The following RAP1B variants were observed in gnomAD, a reference collection of about 807,000 sequenced individuals.
RAP1B encodes the protein RAP1B, member of RAS oncogene family.
A neutral mutation model predicts 27.5 loss-of-function variants in RAP1B; 1 was observed. The ratio of observed to expected loss-of-function variants is 0.04; its 90% CI spans 0.01 to 0.17. RAP1B has a LOEUF of 0.17. Among genes scored for constraint, RAP1B ranks in the 10% least tolerant of loss-of-function variants. The pLI is 1.00. For missense variants in RAP1B, 84 were observed against 214.8 expected (o/e 0.39, Z 3.81); for synonymous variants, 75 against 73.1 (o/e 1.03, Z -0.13).
At chr12:68,629,995 A>G (rs1416730490) in intron 1 of RAP1B, among the ~76,000 whole-genome samples, 1 of 152,252 alleles carries the variant, frequency 6.6e-6, no homozygotes, top group East Asian at 1.9e-4. Flanking sequence ...AATCATTAAT[A>G]CAACCCTGTC....
At chr12:68,654,005 A>G (rs1592466895) in intron 4 of RAP1B, 107 bp from the exon 5 acceptor site, 3 of 921,384 alleles carry the variant, frequency 3.3e-6, no homozygotes, top group Non-Finnish European at 4.9e-6. Flanking sequence ...ACAAAGTTAC[A>G]TAATACTACA....
chr12:68,630,360 G>A (rs1042768871), intron 1 of RAP1B, among the ~76,000 whole-genome samples: 1 of 152,094 alleles, frequency 6.6e-6, no homozygotes, highest in Admixed American at 6.6e-5. Flanking sequence ...AATGAACTAT[G>A]TTCCATTAAA....
In RAP1B at chr12:68,661,371, A is replaced by G. The variant is rs184215356; in HGVS notation, c.*2122A>G. 2 of 152,290 alleles carry G rather than the reference A, an allele frequency of 1.3e-5. No homozygotes were observed. The highest frequency in any genetic ancestry group is 1.3e-4 in the Admixed American group (2 of 15,292). The allele number at this position is 152,290 out of a possible 1,614,324, so 9.4% of individuals were successfully genotyped here. A position where few individuals can be genotyped will look rare whatever the true frequency, so the allele number is the denominator to read the frequency against. On this transcript the variant is annotated 3_prime_UTR_variant, in exon 8 of 8. Coordinates refer to ENST00000250559, the MANE Select transcript of RAP1B (RefSeq NM_001010942.3). ...TTTTAATAAATGTTTGCTGCCTACCAGCTATGTACCAGGCCCAGTTCTAGG... is the reference window on the plus strand; with the variant it reads ...TTTTAATAAATGTTTGCTGCCTACCGGCTATGTACCAGGCCCAGTTCTAGG...
intron 1 of RAP1B, among the ~76,000 whole-genome samples, chr12:68,633,825 G>A (rs1188110679): frequency 1.3e-5 from 2 of 152,162 alleles, no homozygotes; most frequent in South Asian, 2.1e-4. Context: ...AGCTGAGATC[G>A]TGCCACTGCA....
rs1430455977 is a variant in RAP1B at position 68,660,828 on chromosome 12, AAG to A, written c.*1582_*1583del. 6.6e-6 allele frequency: 1 copy of A among 152,242 alleles called. No homozygotes were observed. The highest frequency in any genetic ancestry group is 1.5e-5 in the Non-Finnish European group (1 of 68,036). 9.4% of individuals were successfully genotyped at this position (152,242 alleles called of 1,614,324 possible). A position where few individuals can be genotyped will look rare whatever the true frequency, so the allele number is the denominator to read the frequency against. ...AGTAGCTATTTGATGAGGTAGGTAA[AAG>A]AGGAACGATTTAACATACTTTCATG... On this transcript the variant is annotated 3_prime_UTR_variant, in exon 8 of 8. Transcript: ENST00000250559.
rs180937750 is a variant in RAP1B at position 68,617,481 on chromosome 12, A to G, written c.-27+6438A>G. Among the ~76,000 whole-genome samples, 20 of 152,340 alleles carry G rather than the reference A, an allele frequency of 1.3e-4. No individual in the cohort carries two copies. The East Asian group carries it at 3.9e-3, about 29-fold the overall frequency. On this transcript the variant is annotated intron_variant, in intron 1 of 7. Coordinates refer to ENST00000250559, the MANE Select transcript of RAP1B (RefSeq NM_001010942.3). ...ACTGCTCTTGAAATTAACAAACTTG[A>G]GATAGTGTACTGATTTGTATTTATA... is the stretch of plus-strand genomic sequence containing the variant.
intron 2 of RAP1B, 92 bp from the exon 3 acceptor site, chr12:68,650,308 A>T: frequency 1.7e-6 from 2 of 1,191,938 alleles, no homozygotes; most frequent in Non-Finnish European, 1.1e-6. Flanking sequence ...TTGATGGTGT[A>T]ACTCCCTGTG....
At chr12:68,638,794 G>T (rs774173469) in intron 1 of RAP1B, among the ~76,000 whole-genome samples, 1 of 151,978 alleles carries the variant, frequency 6.6e-6, no homozygotes, top group Non-Finnish European at 1.5e-5. Flanking sequence ...CTGAGCACCT[G>T]GGATTACAGG....
chr12:68,629,198 C>T (rs1370285589), intron 1 of RAP1B, among the ~76,000 whole-genome samples: 11 of 152,104 alleles, frequency 7.2e-5, no homozygotes, highest in Admixed American at 6.6e-4. Flanking sequence ...AGTCTGGTAT[C>T]GAACTCCTGA....
intron 2 of RAP1B, 109 bp downstream of exon 2, chr12:68,648,890 TTAGAAGC>T: frequency 1.1e-6 from 1 of 951,688 alleles, no homozygotes; most frequent in Non-Finnish European, 1.5e-6. Flanking sequence ...CTTAATGACT[TTAGAAGC>T]AATATAATAT....
chr12:68,636,609 G>T (rs1872647934), intron 1 of RAP1B, among the ~76,000 whole-genome samples: 1 of 152,006 alleles, frequency 6.6e-6, no homozygotes, highest in Non-Finnish European at 1.5e-5. Flanking sequence ...TAAATTTTTT[G>T]TAGAAGTGTG....
rs181531570 is a variant in RAP1B at position 68,648,377 on chromosome 12, C to T, written c.-26-322C>T. 3.1e-3 allele frequency among the ~76,000 whole-genome samples: 467 copies of T among 152,302 alleles called. 3 individuals are homozygous for T. The highest frequency in any genetic ancestry group is 0.011 in the African/African-American group (452 of 41,572). ...TTGTAACTACTTTGCTGTTACAGCA[C>T]AGAAGAAACCACAGACAATACACAA... On this transcript the variant is annotated intron_variant, in intron 1 of 7. Transcript: ENST00000250559.
chr12:68,650,592 A>G, intron 3 of RAP1B, 124 bp downstream of exon 3: 1 of 930,410 alleles, frequency 1.1e-6, no homozygotes, highest in Non-Finnish European at 1.5e-6. Flanking sequence ...ATTAGTGGGA[A>G]AAGTTTACAC....
rs544446273 is a variant in RAP1B, at chr12:68,671,524, C to G, written c.*12275C>G. The G allele has an allele frequency of 6.6e-6, 1 of 151,934 alleles. No individual in the cohort carries two copies. Among genetic ancestry groups the G allele is most frequent in the Non-Finnish European group, 1.5e-5 (1 of 67,982 alleles). The allele number at this position is 151,934 out of a possible 1,614,324, so 9.4% of individuals were successfully genotyped here. ...TTAAAGGTTGACTTAGAAGGATTCC[C>G]GTGCAAAGTGAACAAAACAGAATAC... On this transcript the variant is annotated 3_prime_UTR_variant, in exon 8 of 8. Coordinates refer to ENST00000250559, the MANE Select transcript of RAP1B (RefSeq NM_001010942.3).
chr12:68,656,870 G>A (rs995488762), intron 6 of RAP1B, among the ~76,000 whole-genome samples: 27 of 152,180 alleles, frequency 1.8e-4, no homozygotes, highest in Non-Finnish European at 2.2e-4. Context: ...ATTGAACTAA[G>A]TTAAGATCTC....
At chr12:68,642,481 T>TA (rs1392609384) in intron 1 of RAP1B, 1 of 854,040 alleles carries the variant, frequency 1.2e-6, no homozygotes, top group African/African-American at 1.7e-5. Flanking sequence ...GAATGTGTAA[T>TA]ACAAGGGCCA....
intron 1 of RAP1B, chr12:68,642,665 A>G (rs545570317): frequency 1.8e-6 from 2 of 1,137,754 alleles, no homozygotes; most frequent in East Asian, 2.3e-5. Flanking sequence ...ATATTCTACA[A>G]TCCTGGCCTT....
At chr12:68,659,142 C>A in intron 7 of RAP1B, 138 bp from the exon 8 acceptor site, 1 of 379,764 alleles carries the variant, frequency 2.6e-6, no homozygotes, top group Non-Finnish European at 5.2e-6. Flanking sequence ...TGGTATGTTG[C>A]CACTAATGTA....
intron 1 of RAP1B, among the ~76,000 whole-genome samples, chr12:68,632,134 T>TTTTTG (rs1872293837): frequency 3.0e-5 from 4 of 132,996 alleles, no homozygotes; most frequent in African/African-American, 1.4e-4. Flanking sequence ...GATTTGTTTT[T>TTTTTG]TTTTTTTTTT....
Sources: allele counts gnomAD v4.1 joint callset (sites outside exome capture counted in the v4.1 genomes callset), GRCh38; gene constraint gnomAD v4.1.1; transcripts MANE v1.5; gene names NCBI Gene and HGNC (gene_info 2026-07-23, HGNC 2026-07-21).